Variants in STX16 observed in about 807,000 individuals in gnomAD.
The protein encoded by STX16 is syntaxin 16.
In STX16, 28 loss-of-function variants were observed where a neutral mutation model predicts 42.7. That is an observed-to-expected ratio of 0.66 (90% CI 0.49 to 0.90). The LOEUF (loss-of-function observed/expected upper bound fraction) is 0.90. Ranked by LOEUF, STX16 falls within the 40% of genes least tolerant of loss-of-function variation. The pLI is 0.00. For missense variants in STX16, 361 were observed against 420.9 expected, an observed-to-expected ratio of 0.86 and a Z score of 1.24; for synonymous variants, 156 against 155.2, an observed-to-expected ratio of 1.00 and a Z score of -0.04.
intron 7 of STX16, among the ~76,000 whole-genome samples, 189 bp from the exon 8 acceptor site, chr20:58,673,442 A>G (rs1198788929): frequency 6.6e-6 from 1 of 152,198 alleles, no homozygotes; most frequent in Non-Finnish European, 1.5e-5. Context: ...ACTAACCAGC[A>G]TTCTGCCATC....
rs986531648 is a variant in STX16 at position 58,651,986 on chromosome 20, G to A, written c.-21G>A. On this transcript the variant is annotated 5_prime_UTR_variant, in exon 1 of 9. Coordinates refer to ENST00000371141, the MANE Select transcript of STX16 (RefSeq NM_001001433.3). ...TAAGTGGGCGGGGGGCCCCTGAGAG[G>A]GGGGTCGCAAAGGGTGAGACATGGC... 1.2e-6 allele frequency: 2 copies of A among 1,613,074 alleles called. No homozygotes were observed. Among genetic ancestry groups the A allele is most frequent in the Non-Finnish European group, 8.5e-7 (1 of 1,179,090 alleles).
At chr20:58,659,538 G>T in intron 1 of STX16, 85 bp from the exon 2 acceptor site, 1 of 1,420,264 alleles carries the variant, frequency 7.0e-7, no homozygotes, top group Admixed American at 2.2e-5. Context: ...AACTGACCAT[G>T]CCTTGTCTGT....
chr20:58,663,311 T>TAG (rs1483861977), intron 2 of STX16, among the ~76,000 whole-genome samples: 2 of 152,218 alleles, frequency 1.3e-5, no homozygotes, highest in Admixed American at 6.5e-5. Flanking sequence ...AGGAGGGCCA[T>TAG]AGATTTGGAA....
chr20:58,662,167 G>T (rs1421153130), intron 2 of STX16, among the ~76,000 whole-genome samples: 1 of 152,188 alleles, frequency 6.6e-6, no homozygotes, highest in Admixed American at 6.5e-5. Context: ...TTAAACTCAA[G>T]AATTATTTTA....
In STX16 at chr20:58,657,595, T is replaced by C. The variant is rs557576339; in HGVS notation, c.133-2028T>C. On this transcript the variant is annotated intron_variant, in intron 1 of 8. Coordinates refer to ENST00000371141, the MANE Select transcript of STX16 (RefSeq NM_001001433.3). This position sits in a 1 kb window ranked among gnomAD's most constrained non-coding sequence, Gnocchi z 4.2. ...TCAGTGTTTGCTTGATTGCATGCCA[T>C]TGGAAGGTCAAAAACCTAGATTTAG... 4.1e-4 allele frequency among the ~76,000 whole-genome samples: 63 copies of C among 152,302 alleles called. No individual in the cohort carries two copies. Among genetic ancestry groups the C allele is most frequent in the Non-Finnish European group, 7.5e-4 (51 of 68,026 alleles).
Position 58,657,791 on chromosome 20 carries a change from A to G in STX16, c.133-1832A>G, listed in dbSNP as rs1471118443. On this transcript the variant is annotated intron_variant, in intron 1 of 8. Coordinates refer to ENST00000371141, the MANE Select transcript of STX16 (RefSeq NM_001001433.3). The surrounding 1 kb of genome is among the most constrained non-coding windows in gnomAD (Gnocchi z 4.2). Reference sequence around the variant, plus strand: ...AAGCCTTCTATTTTTAAATAGCAGAATGGTGGGGAGGGTCTTTGAAAAGGT... The same window carrying G: ...AAGCCTTCTATTTTTAAATAGCAGAGTGGTGGGGAGGGTCTTTGAAAAGGT... 6.6e-6 allele frequency among the ~76,000 whole-genome samples: 1 copy of G among 152,166 alleles called. No homozygotes were observed. The highest frequency in any genetic ancestry group is 1.5e-5 in the Non-Finnish European group (1 of 68,026).
chr20:58,652,260 A>G (rs963791436), intron 1 of STX16, 122 bp downstream of exon 1: 2 of 1,404,770 alleles, frequency 1.4e-6, no homozygotes, highest in African/African-American at 2.9e-5. Flanking sequence ...ACTAAGAATA[A>G]TAAGATCTCT....
At chr20:58,661,352 A>AT (rs748896534) in intron 2 of STX16, among the ~76,000 whole-genome samples, 16 of 152,214 alleles carry the variant, frequency 1.1e-4, no homozygotes, top group Non-Finnish European at 2.1e-4. Context: ...TACTCACTGC[A>AT]TGAACTTGGC....
intron 5 of STX16, among the ~76,000 whole-genome samples, chr20:58,670,182 A>T (rs995783580): frequency 2.6e-5 from 4 of 152,250 alleles, no homozygotes; most frequent in Non-Finnish European, 2.9e-5. Flanking sequence ...CTGATTTTTT[A>T]AAATGTTTTG....
intron 5 of STX16, among the ~76,000 whole-genome samples, chr20:58,670,205 G>A (rs575058447): frequency 1.5e-3 from 228 of 152,344 alleles, no homozygotes; most frequent in Non-Finnish European, 2.7e-3. Context: ...ACAGCAGTTA[G>A]ATTAAATATT....
intron 2 of STX16, among the ~76,000 whole-genome samples, chr20:58,660,388 C>T (rs970944403): frequency 5.9e-5 from 9 of 152,058 alleles, no homozygotes; most frequent in African/African-American, 1.9e-4. Context: ...GAGGGTTGTT[C>T]TTGTTTGTTT....
chr20:58,660,890 T>C (rs913200780), intron 2 of STX16, among the ~76,000 whole-genome samples: 2 of 151,698 alleles, frequency 1.3e-5, no homozygotes, highest in African/African-American at 4.8e-5. Context: ...GGTGGATATA[T>C]ATTTTTAAAC....
intron 8 of STX16, among the ~76,000 whole-genome samples, chr20:58,675,592 A>G (rs2084094550): frequency 6.6e-6 from 1 of 152,204 alleles, no homozygotes; most frequent in African/African-American, 2.4e-5. Flanking sequence ...CTGTATCGTT[A>G]GCGGCACTGG....
chr20:58,665,510 GACTTA>G (rs1371369278), intron 2 of STX16, among the ~76,000 whole-genome samples: 1 of 152,080 alleles, frequency 6.6e-6, no homozygotes, highest in Non-Finnish European at 1.5e-5. Context: ...TTGGGCAAGC[GACTTA>G]ACTTTTCTGA....
At position 58,679,429 on chromosome 20, in the gene STX16, C is replaced by T. The variant is rs1032637726; in HGVS notation, c.*3138C>T. The T allele has an allele frequency of 5.9e-5, 9 of 152,568 alleles. No individual in the cohort carries two copies. Among genetic ancestry groups the T allele is most frequent in the African/African-American group, 2.2e-4 (9 of 41,434 alleles). The allele number at this position is 152,568 out of a possible 1,614,324, so 9.5% of individuals were successfully genotyped here. ...CTTCTATCCAAAATGACTTTTTTGT[C>T]CTTTTTTAAAACCAATTTACTGTTA... On this transcript the variant is annotated 3_prime_UTR_variant, in exon 9 of 9. Transcript: ENST00000371141.
chr20:58,671,083 TA>T, intron 6 of STX16, 70 bp from the exon 7 acceptor site: 2 of 1,367,154 alleles, frequency 1.5e-6, no homozygotes, highest in South Asian at 1.6e-5. Flanking sequence ...AAATTATATC[TA>T]AACAAGTATA....
intron 2 of STX16, among the ~76,000 whole-genome samples, chr20:58,662,675 T>C (rs1328033855): frequency 6.6e-6 from 1 of 152,072 alleles, no homozygotes; most frequent in East Asian, 1.9e-4. Context: ...CATGCGTGGC[T>C]ATTTTATTTA....
chr20:58,664,851 TATAA>T (rs1420919016), intron 2 of STX16, among the ~76,000 whole-genome samples: 1 of 152,242 alleles, frequency 6.6e-6, no homozygotes, highest in Admixed American at 6.5e-5. Flanking sequence ...CTAAAATCAC[TATAA>T]ATAATTACTG....
intron 6 of STX16, 50 bp from the exon 7 acceptor site, chr20:58,671,104 T>C: frequency 6.5e-7 from 1 of 1,541,058 alleles, no homozygotes; most frequent in African/African-American, 1.4e-5. Flanking sequence ...ACCATAGCTT[T>C]CCTGAGAGGG....
Sources: allele counts gnomAD v4.1 joint callset (sites outside exome capture counted in the v4.1 genomes callset), GRCh38; gene constraint gnomAD v4.1.1; non-coding constraint Gnocchi (gnomAD v3.1); transcripts MANE v1.5; gene names NCBI Gene and HGNC (gene_info 2026-07-23, HGNC 2026-07-21).